CNTNAP5: variants seen among roughly 807,000 people sequenced by gnomAD.
CNTNAP5 encodes the protein contactin-associated protein-like 5.
A neutral mutation model predicts 150.2 loss-of-function variants in CNTNAP5; 72 were observed. The observed-to-expected ratio is 0.48, with a 90% CI of 0.40 to 0.58. The LOEUF (loss-of-function observed/expected upper bound fraction) is 0.58, where lower values mean the gene tolerates loss of function less well. Ranked by LOEUF, CNTNAP5 falls within the 20% of genes least tolerant of loss-of-function variation. The pLI is 0.00. For synonymous variants in CNTNAP5, 672 were observed against 619.8 expected (o/e 1.08, Z -1.25); for missense variants, 1,636 against 1,626.2 (o/e 1.01, Z -0.10).
chr2:124,164,288 G>T (rs1312528133), intron 1 of CNTNAP5, among the ~76,000 whole-genome samples: 1 of 152,174 alleles, frequency 6.6e-6, no homozygotes, highest in African/African-American at 2.4e-5. Context: ...AGTACATGGA[G>T]CGGTGCAGTG....
intron 13 of CNTNAP5, among the ~76,000 whole-genome samples, chr2:124,655,361 A>G (rs1441252982): frequency 6.6e-6 from 1 of 152,084 alleles, no homozygotes; most frequent in African/African-American, 2.4e-5. Flanking sequence ...TCCATGGTGT[A>G]TATGTGCCAC....
intron 18 of CNTNAP5, among the ~76,000 whole-genome samples, chr2:124,791,790 C>T (rs1160911321): frequency 6.7e-6 from 1 of 148,778 alleles, no homozygotes; most frequent in Non-Finnish European, 1.5e-5. Flanking sequence ...TATGTTGCAA[C>T]ATCTCTGTGC....
At chr2:124,286,802 T>C (rs1292196707) in intron 3 of CNTNAP5, among the ~76,000 whole-genome samples, 1 of 152,204 alleles carries the variant, frequency 6.6e-6, no homozygotes, top group African/African-American at 2.4e-5. Context: ...GTGTTTTCAA[T>C]GTAGCTGTTC....
At chr2:124,071,832 A>C (rs1020120835) in intron 1 of CNTNAP5, among the ~76,000 whole-genome samples, 1 of 152,056 alleles carries the variant, frequency 6.6e-6, no homozygotes, top group African/African-American at 2.4e-5. Flanking sequence ...TATTTCAAAA[A>C]AATAGAGGAA....
At chr2:124,749,468 A>G (rs1680676007) in intron 14 of CNTNAP5, among the ~76,000 whole-genome samples, 2 of 150,508 alleles carry the variant, frequency 1.3e-5, no homozygotes, top group Non-Finnish European at 3.0e-5. Flanking sequence ...TCTGTCGCCC[A>G]GGCTGGGGTG....
At position 124,915,219 on chromosome 2, in the gene CNTNAP5, T is replaced by C. The variant is rs555565383; in HGVS notation, c.*931T>C. ...ATACACACACACACACACACACACA[T>C]ATATATATATACACACACGCACACA... On this transcript the variant is annotated 3_prime_UTR_variant, in exon 24 of 24. Transcript: ENST00000682447. 1.4e-3 allele frequency: 218 copies of C among 161,290 alleles called. No homozygotes were observed. In the Middle Eastern group the frequency reaches 0.014, roughly 10 times the overall value. 10.0% of individuals were successfully genotyped at this position (161,290 alleles called of 1,614,324 possible). A position where few individuals can be genotyped will look rare whatever the true frequency, so the allele number is the denominator to read the frequency against.
intron 11 of CNTNAP5, among the ~76,000 whole-genome samples, chr2:124,607,420 C>T (rs368071759): frequency 1.3e-5 from 2 of 152,150 alleles, no homozygotes; most frequent in African/African-American, 2.4e-5. Flanking sequence ...TGACCTAGAA[C>T]ACCCAAGATG....
intron 11 of CNTNAP5, among the ~76,000 whole-genome samples, chr2:124,584,961 T>G (rs1164293462): frequency 3.3e-5 from 5 of 152,210 alleles, no homozygotes. Flanking sequence ...TGGGGAAAGC[T>G]CTCACATTGT....
chr2:124,426,757 A>G (rs1692247555), intron 4 of CNTNAP5, among the ~76,000 whole-genome samples: 1 of 152,178 alleles, frequency 6.6e-6, no homozygotes, highest in Admixed American at 6.5e-5. Context: ...TCCATCAAAT[A>G]TGCCAGCATA....
At chr2:124,660,117 A>G (rs1363425910) in intron 13 of CNTNAP5, among the ~76,000 whole-genome samples, 1 of 152,032 alleles carries the variant, frequency 6.6e-6, no homozygotes, top group East Asian at 1.9e-4. Flanking sequence ...AGATCTTTCT[A>G]TGTTTCAGAT....
rs146520141 is a variant in CNTNAP5, at chr2:124,789,539, A to G, written c.2753-363A>G. On this transcript the variant is annotated intron_variant, in intron 17 of 23. Coordinates refer to ENST00000682447, the MANE Select transcript of CNTNAP5 (RefSeq NM_001367498.1). ...AGTACCCAATAGTTATTTTTCTCTT[A>G]TCTTCTCCCTCTTCCCACCCGACAC... Among the ~76,000 whole-genome samples the G allele has an allele frequency of 3.3e-5, 5 of 152,094 alleles. No individual in the cohort carries two copies. In the East Asian group the frequency reaches 9.7e-4, roughly 29 times the overall value.
chr2:124,487,498 G>A (rs1434877806), intron 7 of CNTNAP5, among the ~76,000 whole-genome samples: 1 of 152,056 alleles, frequency 6.6e-6, no homozygotes, highest in Non-Finnish European at 1.5e-5. Flanking sequence ...TGCCTGTAAG[G>A]ACAGTATGTT....
intron 13 of CNTNAP5, among the ~76,000 whole-genome samples, chr2:124,674,546 T>TCTTTCTTTCTTTCTTTCTTCCTTTCTTC (rs755126208): frequency 7.7e-6 from 1 of 130,302 alleles, no homozygotes; most frequent in African/African-American, 3.0e-5. Context: ...TTTCTTTCTT[T>TCTTTCTTTCTTTCTTTCTTCCTTTCTTC]CTTTCTTCCT....
At position 124,920,256 on chromosome 2, in the gene CNTNAP5, A is replaced by T. The variant is rs1308505519; in HGVS notation, c.*5968A>T. Among the ~76,000 whole-genome samples, 1 of 152,126 alleles carries T rather than the reference A, an allele frequency of 6.6e-6. No individual in the cohort carries two copies. The highest frequency in any genetic ancestry group is 1.5e-5 in the Non-Finnish European group (1 of 68,014). On this transcript the variant is annotated 3_prime_UTR_variant, in exon 24 of 24. Transcript: ENST00000682447. Reference sequence around the variant, plus strand: ...CAGATGCCAGAAATATCTTCAGAGAACGTGAACAAAGTGCTGGATATGAAA... The same window carrying T: ...CAGATGCCAGAAATATCTTCAGAGATCGTGAACAAAGTGCTGGATATGAAA...
rs554630443 is a variant in CNTNAP5 at position 124,034,874 on chromosome 2, T to C, written c.82+9142T>C. Among the ~76,000 whole-genome samples the C allele has an allele frequency of 2.0e-5, 3 of 152,288 alleles. No homozygotes were observed. In the East Asian group the frequency reaches 5.8e-4, roughly 29 times the overall value. On this transcript the variant is annotated intron_variant, in intron 1 of 23. Transcript: ENST00000682447. ...GCCACATTACCCTCCTGTGTACTACTGAAGTCTGTTTCTGGTGAATAAATG... is the reference window on the plus strand; with the variant it reads ...GCCACATTACCCTCCTGTGTACTACCGAAGTCTGTTTCTGGTGAATAAATG...
chr2:124,198,963 C>T (rs1357144698), intron 1 of CNTNAP5, among the ~76,000 whole-genome samples: 1 of 151,626 alleles, frequency 6.6e-6, no homozygotes, highest in East Asian at 1.9e-4. Flanking sequence ...GCCATATATC[C>T]TGGGGCTGTG....
intron 3 of CNTNAP5, among the ~76,000 whole-genome samples, chr2:124,294,448 C>T (rs1444555308): frequency 6.6e-6 from 1 of 151,714 alleles, no homozygotes; most frequent in Non-Finnish European, 1.5e-5. Flanking sequence ...GATATGTGGT[C>T]TATAGAGTCC....
chr2:124,285,114 T>C (rs548811283), intron 3 of CNTNAP5, among the ~76,000 whole-genome samples: 1 of 152,278 alleles, frequency 6.6e-6, no homozygotes, highest in South Asian at 2.1e-4. Context: ...TTGGATGTGT[T>C]TCTGTTTTCC....
chr2:124,835,809 C>T (rs79262929), intron 19 of CNTNAP5, among the ~76,000 whole-genome samples: 2,120 of 152,200 alleles, frequency 0.014, 21 homozygotes, highest in Middle Eastern at 0.027. Flanking sequence ...TCAAAACTCA[C>T]GCAGTAAAGA....
Sources: gnomAD v4.1 joint callset for allele counts (sites outside exome capture counted in the v4.1 genomes callset) on GRCh38, gnomAD v4.1.1 for gene constraint, MANE v1.5 for transcripts, NCBI Gene and HGNC (gene_info 2026-07-23, HGNC 2026-07-21) for gene names.